The following MYO10 variants were observed in gnomAD, a reference collection of about 807,000 sequenced individuals.
MYO10 encodes myosin X.
MYO10 carries 133 observed loss-of-function variants against 257.3 expected under a neutral mutation model. The observed-to-expected ratio is 0.52, with a 90% CI of 0.45 to 0.60. MYO10 has a LOEUF of 0.60. MYO10 is among the 20% of genes least tolerant of loss of function. MYO10 has a pLI of 0.00. For synonymous variants in MYO10, 1,104 were observed against 1,028.6 expected (o/e 1.07, Z -1.40); for missense variants, 2,399 against 2,635.7 (o/e 0.91, Z 1.97).
rs531318204 is a variant in MYO10, at chr5:16,765,457, G to A, written c.1179+623C>T. On this transcript the variant is annotated intron_variant, in intron 11 of 40. Coordinates refer to ENST00000513610, the MANE Select transcript of MYO10 (RefSeq NM_012334.3). ...ATTGTGGGACCTTCTGATCATGTAAGTTAATACTTAATAAACTCCCCTTTA... is the reference window on the plus strand; with the variant it reads ...ATTGTGGGACCTTCTGATCATGTAAATTAATACTTAATAAACTCCCCTTTA... Among the ~76,000 whole-genome samples, 8 of 152,262 alleles carry A rather than the reference G, an allele frequency of 5.3e-5. No individual in the cohort carries two copies. The South Asian group carries it at 1.7e-3, about 32-fold the overall frequency.
intron 1 of MYO10, among the ~76,000 whole-genome samples, chr5:16,926,366 C>G (rs1304871369): frequency 1.3e-5 from 2 of 152,076 alleles, no homozygotes. Flanking sequence ...TAACTACTGT[C>G]CTGCCTCAGC....
intron 19 of MYO10, among the ~76,000 whole-genome samples, chr5:16,715,104 TAAAA>T (rs879256213): frequency 2.0e-4 from 13 of 63,666 alleles, no homozygotes; most frequent in Non-Finnish European, 3.4e-4. Flanking sequence ...AAAAATAAAT[TAAAA>T]AAAAATTTTT....
intron 28 of MYO10, among the ~76,000 whole-genome samples, chr5:16,686,037 G>GCTTTTGTT (rs1285653602): frequency 6.6e-6 from 1 of 152,184 alleles, no homozygotes; most frequent in African/African-American, 2.4e-5. Context: ...GCCTTTTAGT[G>GCTTTTGTT]CTATATTATG....
chr5:16,689,841 C>A lies in MYO10; in HGVS notation c.3879G>T (p.Glu1293Asp). The change falls in exon 28 of 41, where the codon GAG (glutamate) becomes GAT (aspartate). Residue 1293 changes from glutamate (E) to aspartate (D), a missense_variant. Glu to Asp is a conservative substitution (Grantham distance 45). Transcript: ENST00000513610. ...AGACTCACCTGGCATCTTCTGGGGACTCTGCAATCAGGTGGAAAGTCCTAT... is the reference window on the plus strand; with the variant it reads ...AGACTCACCTGGCATCTTCTGGGGAATCTGCAATCAGGTGGAAAGTCCTAT... ...MADRTFHLIAESPEDASQWFS... is the reference protein window; with the variant it reads ...MADRTFHLIADSPEDASQWFS... 6.2e-7 allele frequency: 1 copy of A among 1,613,196 alleles called. No individual in the cohort carries two copies. Among genetic ancestry groups the A allele is most frequent in the Non-Finnish European group, 8.5e-7 (1 of 1,179,280 alleles).
chr5:16,766,292 C>T (rs1302585751), intron 10 of MYO10, 94 bp from the exon 11 acceptor site: 1 of 879,814 alleles, frequency 1.1e-6, no homozygotes, highest in Non-Finnish European at 1.8e-6. Context: ...CACCTGAATC[C>T]CTCACGCAGA....
intron 9 of MYO10, 92 bp from the exon 10 acceptor site, chr5:16,769,295 T>G: frequency 1.5e-6 from 2 of 1,341,122 alleles, no homozygotes; most frequent in Non-Finnish European, 2.0e-6. Flanking sequence ...TACTAGGTGT[T>G]ATTGAAAAGG....
intron 2 of MYO10, among the ~76,000 whole-genome samples, chr5:16,818,591 C>T (rs1742711374): frequency 8.5e-6 from 1 of 118,052 alleles, no homozygotes; most frequent in Admixed American, 9.4e-5. Flanking sequence ...GTGCCACCAG[C>T]CAGCTAATTT....
chr5:16,705,292 A>C (rs1163976580), intron 21 of MYO10, among the ~76,000 whole-genome samples: 1 of 152,256 alleles, frequency 6.6e-6, no homozygotes, highest in Non-Finnish European at 1.5e-5. Context: ...GAATTATTTC[A>C]GCTACATCTC....
chr5:16,729,585 G>A (rs188844367), intron 19 of MYO10, among the ~76,000 whole-genome samples: 95 of 151,864 alleles, frequency 6.3e-4, no homozygotes, highest in Non-Finnish European at 1.3e-3. Flanking sequence ...CCGGGTAGCT[G>A]GGACTACAGG....
At chr5:16,731,508 T>C (rs150538065) in intron 19 of MYO10, among the ~76,000 whole-genome samples, 2,087 of 151,886 alleles carry the variant, frequency 0.014, 51 homozygotes, top group African/African-American at 0.047. Context: ...CCACCATGCC[T>C]GGCTAATTTT....
intron 2 of MYO10, among the ~76,000 whole-genome samples, chr5:16,824,535 A>T (rs1742945419): frequency 6.6e-6 from 1 of 152,204 alleles, no homozygotes; most frequent in Non-Finnish European, 1.5e-5. Flanking sequence ...AATGATGACA[A>T]TAAGCCAATG....
At chr5:16,735,583 G>A (rs1318333546) in intron 19 of MYO10, among the ~76,000 whole-genome samples, 1 of 151,512 alleles carries the variant, frequency 6.6e-6, no homozygotes, top group East Asian at 1.9e-4. Flanking sequence ...GTGCATACTT[G>A]TGGTCCCAGC....
At chr5:16,862,624 T>A (rs1283602207) in intron 2 of MYO10, among the ~76,000 whole-genome samples, 1 of 152,214 alleles carries the variant, frequency 6.6e-6, no homozygotes, top group Non-Finnish European at 1.5e-5. Context: ...AATAAAAGAA[T>A]TACGTTTGAT....
chr5:16,892,981 G>A (rs1026799186), intron 1 of MYO10, among the ~76,000 whole-genome samples: 1 of 151,900 alleles, frequency 6.6e-6, no homozygotes, highest in East Asian at 1.9e-4. Context: ...AGATCACGAG[G>A]TCAGGAGATC....
chr5:16,933,749 T>G (rs1417598701), intron 1 of MYO10, among the ~76,000 whole-genome samples: 1 of 152,208 alleles, frequency 6.6e-6, no homozygotes. Flanking sequence ...ATGTCTACAA[T>G]TAATACCTCA....
chr5:16,808,708 A>G (rs544824449), intron 3 of MYO10, among the ~76,000 whole-genome samples: 13 of 152,038 alleles, frequency 8.6e-5, no homozygotes, highest in South Asian at 8.3e-4. Flanking sequence ...GTCTCACTCT[A>G]TTGCATAGGC....
intron 19 of MYO10, among the ~76,000 whole-genome samples, chr5:16,727,538 A>G (rs943443025): frequency 6.6e-6 from 1 of 152,226 alleles, no homozygotes; most frequent in Non-Finnish European, 1.5e-5. Context: ...GGTTCTCACG[A>G]GGCTAATGAC....
At chr5:16,685,878 T>C (rs1249606075) in intron 28 of MYO10, 47 bp from the exon 29 acceptor site, 5 of 1,469,178 alleles carry the variant, frequency 3.4e-6, no homozygotes, top group Non-Finnish European at 4.7e-6. Flanking sequence ...AACCTCGTAC[T>C]GGCAAAGCAA....
intron 2 of MYO10, among the ~76,000 whole-genome samples, chr5:16,865,347 C>T (rs972815963): frequency 1.3e-5 from 2 of 152,126 alleles, no homozygotes; most frequent in Non-Finnish European, 2.9e-5. Flanking sequence ...CAGGGCTCAG[C>T]GGTCTGGCAT....
Sources: allele counts gnomAD v4.1 joint callset (sites outside exome capture counted in the v4.1 genomes callset), GRCh38; gene constraint gnomAD v4.1.1; transcripts MANE v1.5; gene names NCBI Gene and HGNC (gene_info 2026-07-23, HGNC 2026-07-21).